SLC25A48: variants seen among roughly 807,000 people sequenced by gnomAD.
SLC25A48 encodes the protein solute carrier family 25 member 48, also known as CTC-321K16.1.
A neutral mutation model predicts 32.2 loss-of-function variants in SLC25A48; 29 were observed. That is an observed-to-expected ratio of 0.90 (90% confidence interval 0.67 to 1.23). The LOEUF (loss-of-function observed/expected upper bound fraction) is 1.23. Ranked by LOEUF, SLC25A48 falls within the 50% of genes most tolerant of loss-of-function variation. The pLI is 0.00. For missense variants in SLC25A48, 399 were observed against 422.7 expected (o/e 0.94, Z 0.49); for synonymous variants, 164 against 172.3 (o/e 0.95, Z 0.38).
At chr5:135,584,196 A>G (rs1751305791) in intron 1 of SLC25A48, among the ~76,000 whole-genome samples, 2 of 152,252 alleles carry the variant, frequency 1.3e-5, no homozygotes, top group Non-Finnish European at 2.9e-5. Context: ...AGCAAATATG[A>G]CAAACCAACA....
At chr5:135,749,535 G>A (rs1465442897) in intron 3 of SLC25A48, among the ~76,000 whole-genome samples, 1 of 152,088 alleles carries the variant, frequency 6.6e-6, no homozygotes, top group African/African-American at 2.4e-5. Context: ...AGCAGATGGT[G>A]ATCACATCCA....
At chr5:135,719,351 G>C (rs374844952) in intron 3 of SLC25A48, among the ~76,000 whole-genome samples, 1 of 152,298 alleles carries the variant, frequency 6.6e-6, no homozygotes, top group East Asian at 1.9e-4. Flanking sequence ...AGAGGCAGTA[G>C]GTGTGTATGG....
chr5:135,768,316 A>T (rs113454387), intron 3 of SLC25A48, among the ~76,000 whole-genome samples: 51 of 150,614 alleles, frequency 3.4e-4, no homozygotes, highest in Non-Finnish European at 6.5e-4. Context: ...AAGAAGGATG[A>T]TATTACTCCC....
At chr5:135,877,516 G>T (rs25898) in intron 6 of SLC25A48, among the ~76,000 whole-genome samples, 30,412 of 152,064 alleles carry the variant, frequency 0.2, 5,253 homozygotes, top group African/African-American at 0.47. Context: ...CTCTTCCTTT[G>T]TCACGTCCAA....
chr5:135,671,614 A>G (rs911424161), intron 3 of SLC25A48: 1 of 152,202 alleles, frequency 6.6e-6, no homozygotes, highest in African/African-American at 2.4e-5. Context: ...CGCCCCATTA[A>G]CATTTGATGA....
chr5:135,722,138 T>A (rs924542931), intron 3 of SLC25A48, among the ~76,000 whole-genome samples: 1 of 152,264 alleles, frequency 6.6e-6, no homozygotes, highest in African/African-American at 2.4e-5. Context: ...TAATTTAAAA[T>A]GAAGTATCTT....
chr5:135,750,393 C>A (rs34960474), intron 3 of SLC25A48, among the ~76,000 whole-genome samples: 28 of 151,896 alleles, frequency 1.8e-4, no homozygotes, highest in Non-Finnish European at 4.0e-4. Context: ...CCCAAATGGC[C>A]TCACTCTCCC....
rs1484281248 is a variant in SLC25A48, at chr5:135,850,346, C to A, written c.91-79C>A. The A allele has an allele frequency of 6.2e-6, 9 of 1,453,394 alleles. No homozygotes were observed. The Admixed American group carries it at 1.2e-4, about 19-fold the overall frequency. 90.0% of individuals were successfully genotyped at this position (1,453,394 alleles called of 1,614,324 possible). A position where few individuals can be genotyped will look rare whatever the true frequency, so the allele number is the denominator to read the frequency against. ...TGGCGGGGGTCACTATGAGCAGGGC[C>A]TTTCCCTCTGGGCATCTCCGGAGCA... On this transcript the variant is annotated intron_variant, in intron 2 of 7. Coordinates refer to ENST00000681962, the MANE Select transcript of SLC25A48 (RefSeq NM_001349336.2).
chr5:135,699,404 G>GAA (rs11385297), intron 3 of SLC25A48, among the ~76,000 whole-genome samples: 43 of 148,342 alleles, frequency 2.9e-4, no homozygotes, highest in African/African-American at 7.2e-4. Context: ...ATTACGCTGG[G>GAA]AAAAAAAAAA....
intron 2 of SLC25A48, among the ~76,000 whole-genome samples, chr5:135,847,779 G>T (rs1049239143): frequency 9.9e-5 from 15 of 152,258 alleles, no homozygotes; most frequent in African/African-American, 3.4e-4. Flanking sequence ...GCCTCCCGAG[G>T]GAGTGCTGCC....
chr5:135,796,792 A>G (rs538928903), intron 3 of SLC25A48, among the ~76,000 whole-genome samples: 1 of 151,738 alleles, frequency 6.6e-6, no homozygotes, highest in East Asian at 1.9e-4. Flanking sequence ...TCCAGGGGGA[A>G]AAAGGATGAT....
At position 135,795,696 on chromosome 5, in the gene SLC25A48, A is replaced by T. The variant is rs75624167; in HGVS notation, c.-520-16827A>T. ...GGGGTAGAGGGTGATATTACTCCCC[A>T]TAACGCGGGAAGTCTACACTTTCAG... is the stretch of plus-strand genomic sequence containing the variant. On this transcript the variant is annotated intron_variant, in intron 3 of 10. Transcript: ENST00000646290. 4.0e-5 allele frequency among the ~76,000 whole-genome samples: 6 copies of T among 151,508 alleles called. No individual in the cohort carries two copies. The East Asian group carries it at 1.2e-3, about 30-fold the overall frequency.
At chr5:135,843,918 G>A (rs2126709694) in intron 2 of SLC25A48, among the ~76,000 whole-genome samples, 1 of 152,242 alleles carries the variant, frequency 6.6e-6, no homozygotes, top group South Asian at 2.1e-4. Flanking sequence ...CCAGGCCCTG[G>A]GTCCCAGAGC....
At chr5:135,678,392 T>C (rs942365620) in intron 3 of SLC25A48, among the ~76,000 whole-genome samples, 1 of 152,224 alleles carries the variant, frequency 6.6e-6, no homozygotes. Flanking sequence ...TTTAATAATA[T>C]CTATCTCTCT....
intron 2 of SLC25A48, among the ~76,000 whole-genome samples, chr5:135,847,846 A>C (rs1054793637): frequency 3.3e-5 from 5 of 152,312 alleles, no homozygotes; most frequent in East Asian, 1.9e-4. Flanking sequence ...TGGTCTTAGA[A>C]CTGTGAGATA....
intron 3 of SLC25A48, among the ~76,000 whole-genome samples, chr5:135,773,796 G>T (rs1047760913): frequency 1.3e-5 from 2 of 151,322 alleles, no homozygotes; most frequent in African/African-American, 4.8e-5. Flanking sequence ...TATCACAGGG[G>T]GTGTACACCC....
At chr5:135,606,025 C>G (rs1751925859) in intron 1 of SLC25A48, among the ~76,000 whole-genome samples, 2 of 152,010 alleles carry the variant, frequency 1.3e-5, no homozygotes, top group Non-Finnish European at 1.5e-5. Context: ...ACTGGGAGAA[C>G]AATTTCAGCC....
chr5:135,789,039 G>A, intron 3 of SLC25A48, among the ~76,000 whole-genome samples: 1 of 151,858 alleles, frequency 6.6e-6, no homozygotes, highest in African/African-American at 2.4e-5. Context: ...ATGTGTTGGG[G>A]GATGTACACC....
At chr5:135,758,798 GAAT>G (rs1204062409) in intron 3 of SLC25A48, among the ~76,000 whole-genome samples, 2 of 150,506 alleles carry the variant, frequency 1.3e-5, no homozygotes, top group Admixed American at 1.3e-4. Context: ...TCTGTGCTAT[GAAT>G]AATATCTAGT....
Sources: allele counts gnomAD v4.1 joint callset (sites outside exome capture counted in the v4.1 genomes callset), GRCh38; gene constraint gnomAD v4.1.1; transcripts MANE v1.5; gene names NCBI Gene and HGNC (gene_info 2026-07-23, HGNC 2026-07-21).